The following SSTR2 variants were observed in gnomAD, a reference collection of about 807,000 sequenced individuals.
The protein encoded by SSTR2 is somatostatin receptor 2, also known as somatostatin receptor type 2.
In SSTR2, 10 loss-of-function variants were observed where a neutral mutation model predicts 21.4. The observed-to-expected ratio is 0.47, with a 90% CI of 0.29 to 0.79. SSTR2 has a LOEUF of 0.79. Among genes scored for constraint, SSTR2 ranks in the 30% least tolerant of loss-of-function variants. The pLI, the probability that SSTR2 is intolerant of heterozygous loss-of-function variation, is 0.10. For synonymous variants in SSTR2, 177 were observed against 181.3 expected, an observed-to-expected ratio of 0.98 and a Z score of 0.19; for missense variants, 364 against 468.8, an observed-to-expected ratio of 0.78 and a Z score of 2.06.
intron 1 of SSTR2, among the ~76,000 whole-genome samples, chr17:73,167,485 C>G (rs1222785727): frequency 2.0e-5 from 3 of 152,230 alleles, no homozygotes; most frequent in African/African-American, 7.2e-5. Context: ...CATCTACACC[C>G]AGGCACCAGG....
intron 1 of SSTR2, among the ~76,000 whole-genome samples, chr17:73,166,448 G>A (rs1568285146): frequency 6.6e-6 from 1 of 151,374 alleles, no homozygotes; most frequent in Non-Finnish European, 1.5e-5. Context: ...GTAAAAGGGG[G>A]GCGGGGGGGG....
At position 73,169,138 on chromosome 17, in the gene SSTR2, T is replaced by C. The variant is rs2145068607; in HGVS notation, c.-92-90T>C. ...TAATACATTTTTCAATTTAAGAGTATGTCTGAGAGGCTAAACCAGAAATGT... is the reference window on the plus strand; with the variant it reads ...TAATACATTTTTCAATTTAAGAGTACGTCTGAGAGGCTAAACCAGAAATGT... On this transcript the variant is annotated intron_variant, in intron 1 of 1. Coordinates refer to ENST00000357585, the MANE Select transcript of SSTR2 (RefSeq NM_001050.3). The surrounding 1 kb of genome is among the most constrained non-coding windows in gnomAD (Gnocchi z 5.2). The C allele has an allele frequency of 1.5e-6, 1 of 653,394 alleles. No individual in the cohort carries two copies. Among genetic ancestry groups the C allele is most frequent in the South Asian group, 2.1e-5 (1 of 48,606 alleles). 40.5% of individuals were successfully genotyped at this position (653,394 alleles called of 1,614,324 possible). A position where few individuals can be genotyped will look rare whatever the true frequency, so the allele number is the denominator to read the frequency against.
In SSTR2 at chr17:73,169,401, A is replaced by G. The variant is rs1220446553; in HGVS notation, c.82A>G (p.Thr28Ala). Reference sequence around the variant, plus strand: ...TGACCTCAATGGCTCTGTGGTGTCAACCAACACCTCAAACCAGACAGAGCC... The same window carrying G: ...TGACCTCAATGGCTCTGTGGTGTCAGCCAACACCTCAAACCAGACAGAGCC... ...PFDLNGSVVS[T>A]NTSNQTEPYY... is the part of the protein sequence containing the mutation. The change falls in exon 2 of 2, where the codon ACC becomes GCC. Residue 28 changes from threonine (T) to alanine (A), a missense_variant. By Grantham distance (58) the Thr-to-Ala change is moderately conservative. Around this residue, in one of 4 missense-constraint regions of SSTR2, gnomAD observed 75 missense variants for 75.4 expected, o/e 0.99. Coordinates refer to ENST00000357585, the MANE Select transcript of SSTR2 (RefSeq NM_001050.3). The surrounding 1 kb of genome is among the most constrained non-coding windows in gnomAD (Gnocchi z 5.2). The G allele has an allele frequency of 6.2e-7, 1 of 1,614,246 alleles. No individual in the cohort carries two copies. Among genetic ancestry groups the G allele is most frequent in the East Asian group, 2.2e-5 (1 of 44,890 alleles).
At chr17:73,166,599 C>T (rs1210721182) in intron 1 of SSTR2, among the ~76,000 whole-genome samples, 3 of 152,204 alleles carry the variant, frequency 2.0e-5, no homozygotes, top group African/African-American at 7.2e-5. Flanking sequence ...CTTCCTTGTA[C>T]ATTTAATTTA....
At position 73,170,892 on chromosome 17, in the gene SSTR2, G is replaced by A; in HGVS notation, c.*463G>A. 2 of 378,058 alleles carry A rather than the reference G, an allele frequency of 5.3e-6. No individual in the cohort carries two copies. Among genetic ancestry groups the A allele is most frequent in the Admixed American group, 3.6e-5 (1 of 27,974 alleles). The allele number at this position is 378,058 out of a possible 1,614,324, so 23.4% of individuals were successfully genotyped here. A position where few individuals can be genotyped will look rare whatever the true frequency, so the allele number is the denominator to read the frequency against. The stretch of plus-strand genomic sequence containing the variant: ...GTATGCATAGTGTAGATGGACATTT[G>A]CCACAACACACTGCCCGCAGAAATG... On this transcript the variant is annotated 3_prime_UTR_variant, in exon 2 of 2. Transcript: ENST00000357585.
At chr17:73,167,515 G>C (rs552363969) in intron 1 of SSTR2, among the ~76,000 whole-genome samples, 1 of 152,196 alleles carries the variant, frequency 6.6e-6, no homozygotes, top group Non-Finnish European at 1.5e-5. Flanking sequence ...TAGCTCAGGG[G>C]AAATGTGTCA....
rs138473116 is a variant in SSTR2, at chr17:73,174,491, C to T, written c.*4062C>T. 655 of 150,974 alleles carry T rather than the reference C, an allele frequency of 4.3e-3. 3 individuals carry two copies. Among genetic ancestry groups the T allele is most frequent in the Non-Finnish European group, 5.9e-3 (397 of 67,804 alleles). 9.4% of individuals were successfully genotyped at this position (150,974 alleles called of 1,614,324 possible). ...CTGTGATCTCAGCACTTTGGGAGGC[C>T]GAGGCTGGGGAATCGCTTGAGCCCA... On this transcript the variant is annotated 3_prime_UTR_variant, in exon 2 of 2. Coordinates refer to ENST00000357585, the MANE Select transcript of SSTR2 (RefSeq NM_001050.3).
chr17:73,166,282 G>C lies in SSTR2; in HGVS notation c.-93+994G>C, dbSNP rs180700656. Among the ~76,000 whole-genome samples, 434 of 152,376 alleles carry C rather than the reference G, an allele frequency of 2.8e-3. 1 individual carries two copies. Among genetic ancestry groups the C allele is most frequent in the African/African-American group, 0.01 (422 of 41,592 alleles). ...TCTAGCCGCACAGAGACCAAGCCGG[G>C]TTCTGCAGGCCCTGAGGGAGGCGGG... is the stretch of plus-strand genomic sequence containing the variant. On this transcript the variant is annotated intron_variant, in intron 1 of 1. Transcript: ENST00000357585.
In SSTR2 at chr17:73,171,913, C is replaced by CT. The variant is rs2145071578; in HGVS notation, c.*1485dup. Reference sequence around the variant, plus strand: ...TCTAGCCTGAGCAACAAGAGCAAAACTCAGTCTCAAAAAAAAAAAAAAAAA... The same window carrying CT: ...TCTAGCCTGAGCAACAAGAGCAAAACTTCAGTCTCAAAAAAAAAAAAAAAAA... On this transcript the variant is annotated 3_prime_UTR_variant, in exon 2 of 2. Coordinates refer to ENST00000357585, the MANE Select transcript of SSTR2 (RefSeq NM_001050.3). 5.7e-5 allele frequency: 2 copies of CT among 35,148 alleles called. No homozygotes were observed. The highest frequency in any genetic ancestry group is 1.0e-4 in the Non-Finnish European group (2 of 19,464). The allele number at this position is 35,148 out of a possible 1,614,324, so 2.2% of individuals were successfully genotyped here.
In SSTR2 at chr17:73,172,495, T is replaced by C. The variant is rs1232948514; in HGVS notation, c.*2066T>C. The C allele has an allele frequency of 6.6e-6, 1 of 152,226 alleles. No homozygotes were observed. The highest frequency in any genetic ancestry group is 1.5e-5 in the Non-Finnish European group (1 of 68,036). 9.4% of individuals were successfully genotyped at this position (152,226 alleles called of 1,614,324 possible). On this transcript the variant is annotated 3_prime_UTR_variant, in exon 2 of 2. Coordinates refer to ENST00000357585, the MANE Select transcript of SSTR2 (RefSeq NM_001050.3). ...GGTGTCCTTCTTAATGTGCTGCTTT[T>C]GTTCTGTATAAATTCACACCACCTC...
At position 73,170,634 on chromosome 17, in the gene SSTR2, A is replaced by G. The variant is rs756163373; in HGVS notation, c.*205A>G. ...TGCTAAATTGATTACCTCCCCCTTA[A>G]AGCGAACACTGAAATGCAGGTAGAC... is the stretch of plus-strand genomic sequence containing the variant. On this transcript the variant is annotated 3_prime_UTR_variant, in exon 2 of 2. Transcript: ENST00000357585. 4.1e-5 allele frequency: 30 copies of G among 723,692 alleles called. No individual in the cohort carries two copies. The South Asian group carries it at 4.5e-4, about 11-fold the overall frequency. 44.8% of individuals were successfully genotyped at this position (723,692 alleles called of 1,614,324 possible).
chr17:73,169,352 C>G lies in SSTR2; in HGVS notation c.33C>G (p.Ser11Arg). 1 of 1,613,598 alleles carries G rather than the reference C, an allele frequency of 6.2e-7. No homozygotes were observed. The highest frequency in any genetic ancestry group is 8.5e-7 in the Non-Finnish European group (1 of 1,179,860). The change falls in exon 2 of 2, where the codon AGC becomes AGG. Residue 11 changes from serine to arginine, a missense_variant. Physicochemically the swap from Ser to Arg is moderately radical, Grantham distance 110. Coordinates refer to ENST00000357585, the MANE Select transcript of SSTR2 (RefSeq NM_001050.3). This position sits in a 1 kb window ranked among gnomAD's most constrained non-coding sequence, Gnocchi z 5.2. MDMADEPLNG[S>R]HTWLSIPFDL... is the part of the protein sequence containing the mutation. Reference sequence around the variant, plus strand: ...TGGCGGATGAGCCACTCAATGGAAGCCACACATGGCTATCCATTCCATTTG... The same window carrying G: ...TGGCGGATGAGCCACTCAATGGAAGGCACACATGGCTATCCATTCCATTTG...
chr17:73,176,266 G>A lies in SSTR2; in HGVS notation c.*5837G>A, dbSNP rs998873118. 2.6e-5 allele frequency: 4 copies of A among 152,188 alleles called. No individual in the cohort carries two copies. The highest frequency in any genetic ancestry group is 2.6e-4 in the Admixed American group (4 of 15,284). The allele number at this position is 152,188 out of a possible 1,614,324, so 9.4% of individuals were successfully genotyped here. On this transcript the variant is annotated 3_prime_UTR_variant, in exon 2 of 2. Coordinates refer to ENST00000357585, the MANE Select transcript of SSTR2 (RefSeq NM_001050.3). The stretch of plus-strand genomic sequence containing the variant: ...ACGCTGATATCTTTTTCATGGGTAT[G>A]ATTTTTTAACAAGAAAGCTAAATGG...
At position 73,176,052 on chromosome 17, in the gene SSTR2, C is replaced by T. The variant is rs2061248003; in HGVS notation, c.*5623C>T. On this transcript the variant is annotated 3_prime_UTR_variant, in exon 2 of 2. Coordinates refer to ENST00000357585, the MANE Select transcript of SSTR2 (RefSeq NM_001050.3). ...CAGATCCTTACAAAGAATACATTGC[C>T]AAGGACCCCGAAGGAAATCTGCTTG... 6.6e-6 allele frequency: 1 copy of T among 152,168 alleles called. No homozygotes were observed. The highest frequency in any genetic ancestry group is 1.5e-5 in the Non-Finnish European group (1 of 68,052). The allele number at this position is 152,168 out of a possible 1,614,324, so 9.4% of individuals were successfully genotyped here.
chr17:73,170,397 C>A lies in SSTR2; in HGVS notation c.1078C>A (p.Leu360Ile). The A allele has an allele frequency of 6.2e-7, 1 of 1,613,708 alleles. No homozygotes were observed. Among genetic ancestry groups the A allele is most frequent in the Non-Finnish European group, 8.5e-7 (1 of 1,179,998 alleles). Residue 360 changes from leucine (L) to isoleucine (I), a missense_variant, in exon 2 of 2, where the codon CTC becomes ATC. By Grantham distance (5) the Leu-to-Ile change is conservative (BLOSUM62 2). Transcript: ENST00000357585. The part of the protein sequence containing the change: ...LNETTETQRT[L>I]LNGDLQTSI ...TGAGACCACGGAGACCCAGAGGACC[C>A]TCCTCAATGGAGACCTCCAAACCAG...
chr17:73,171,775 G>A lies in SSTR2; in HGVS notation c.*1346G>A, dbSNP rs565782258. The A allele has an allele frequency of 3.3e-5, 5 of 152,044 alleles. No homozygotes were observed. Among genetic ancestry groups the A allele is most frequent in the Non-Finnish European group, 7.4e-5 (5 of 67,934 alleles). The allele number at this position is 152,044 out of a possible 1,614,324, so 9.4% of individuals were successfully genotyped here. A position where few individuals can be genotyped will look rare whatever the true frequency, so the allele number is the denominator to read the frequency against. On this transcript the variant is annotated 3_prime_UTR_variant, in exon 2 of 2. Transcript: ENST00000357585. ...ATCACTACTAAAAATATGTAAATTAGTCGGGCGTGGTGTCACGTGCCTGTA... is the reference window on the plus strand; with the variant it reads ...ATCACTACTAAAAATATGTAAATTAATCGGGCGTGGTGTCACGTGCCTGTA...
In SSTR2 at chr17:73,169,155, C is replaced by A; in HGVS notation, c.-92-73C>A. The stretch of plus-strand genomic sequence containing the variant: ...TAAGAGTATGTCTGAGAGGCTAAAC[C>A]AGAAATGTGTAAATTTGGTGAGACT... On this transcript the variant is annotated intron_variant, in intron 1 of 1. Transcript: ENST00000357585. This position sits in a 1 kb window ranked among gnomAD's most constrained non-coding sequence, Gnocchi z 5.2. 1 of 774,934 alleles carries A rather than the reference C, an allele frequency of 1.3e-6. No individual in the cohort carries two copies. Among genetic ancestry groups the A allele is most frequent in the Non-Finnish European group, 2.0e-6 (1 of 498,662 alleles). 48.0% of individuals were successfully genotyped at this position (774,934 alleles called of 1,614,324 possible).
chr17:73,168,610 C>T (rs895911415), intron 1 of SSTR2, among the ~76,000 whole-genome samples: 1 of 152,150 alleles, frequency 6.6e-6, no homozygotes, highest in Non-Finnish European at 1.5e-5. Context: ...AAACAACTTA[C>T]GAGGTTCCCA....
Position 73,169,249 on chromosome 17 carries a change from C to T in SSTR2, c.-71C>T, listed in dbSNP as rs1049461757. Reference sequence around the variant, plus strand: ...CCAGATGTCACACTGGATCCTTGGCCTCCAGGGTCCATTAAGGTGAGAATA... The same window carrying T: ...CCAGATGTCACACTGGATCCTTGGCTTCCAGGGTCCATTAAGGTGAGAATA... On this transcript the variant is annotated 5_prime_UTR_variant, in exon 2 of 2. Coordinates refer to ENST00000357585, the MANE Select transcript of SSTR2 (RefSeq NM_001050.3). The surrounding 1 kb of genome is among the most constrained non-coding windows in gnomAD (Gnocchi z 5.2). 4.6e-6 allele frequency: 7 copies of T among 1,507,494 alleles called. No homozygotes were observed. Among genetic ancestry groups the T allele is most frequent in the African/African-American group, 4.1e-5 (3 of 72,328 alleles). 93.4% of individuals were successfully genotyped at this position (1,507,494 alleles called of 1,614,324 possible).
Sources: gnomAD v4.1 joint callset for allele counts (sites outside exome capture counted in the v4.1 genomes callset) on GRCh38, gnomAD v4.1.1 for gene constraint, gnomAD v4.1.1 regional missense constraint, Gnocchi (gnomAD v3.1) non-coding constraint, MANE v1.5 for transcripts, NCBI Gene and HGNC (gene_info 2026-07-23, HGNC 2026-07-21) for gene names.